The following DAB1 variants were observed in gnomAD, a reference collection of about 807,000 sequenced individuals.
The protein encoded by DAB1 is disabled homolog 1.
In DAB1, 15 loss-of-function variants were observed where a neutral mutation model predicts 64.6. That is an observed-to-expected ratio of 0.23 (90% CI 0.16 to 0.36). DAB1 has a LOEUF of 0.36. Ranked by LOEUF, DAB1 falls within the 10% of genes least tolerant of loss-of-function variation. The pLI is 1.00. For missense variants in DAB1, 596 were observed against 706.7 expected (o/e 0.84, Z 1.78); for synonymous variants, 235 against 251.9 (o/e 0.93, Z 0.64).
rs145610987 is a variant in DAB1, at chr1:57,417,163, G to A, written c.-137+6767C>T. ...GAAAGGTTACCAGGAGGTTTCAACTGTATTTAACTGGCTTTATTTCATTAG... is the reference window on the plus strand; with the variant it reads ...GAAAGGTTACCAGGAGGTTTCAACTATATTTAACTGGCTTTATTTCATTAG... On this transcript the variant is annotated intron_variant, in intron 1 of 14. Coordinates refer to ENST00000371236, the MANE Select transcript of DAB1 (RefSeq NM_001365792.1). Among the ~76,000 whole-genome samples the A allele has an allele frequency of 2.6e-5, 4 of 152,236 alleles. No homozygotes were observed. In the East Asian group the frequency reaches 7.7e-4, roughly 29 times the overall value.
intron 4 of DAB1, among the ~76,000 whole-genome samples, chr1:58,198,519 T>G (rs973085703): frequency 6.6e-6 from 1 of 152,234 alleles, no homozygotes; most frequent in Non-Finnish European, 1.5e-5. Flanking sequence ...AAAAGGTCAT[T>G]ACATATTGGC....
At chr1:57,121,606 T>C (rs1422681721) in intron 4 of DAB1, among the ~76,000 whole-genome samples, 2 of 152,144 alleles carry the variant, frequency 1.3e-5, no homozygotes, top group Admixed American at 1.3e-4. Flanking sequence ...TAGAACTGAA[T>C]GTGGTTTTCA....
intron 4 of DAB1, among the ~76,000 whole-genome samples, chr1:58,163,983 G>C (rs1655683613): frequency 6.6e-6 from 1 of 152,122 alleles, no homozygotes; most frequent in African/African-American, 2.4e-5. Context: ...AGTCTTACTA[G>C]CTTGAAGTAT....
intron 3 of DAB1, among the ~76,000 whole-genome samples, chr1:58,464,748 G>A (rs554560460): frequency 2.6e-5 from 4 of 152,206 alleles, no homozygotes; most frequent in Non-Finnish European, 5.9e-5. Flanking sequence ...GGCTTGCTCA[G>A]GCAGGCTTCT....
chr1:57,919,291 C>G (rs781507411), intron 5 of DAB1, among the ~76,000 whole-genome samples: 6 of 152,180 alleles, frequency 3.9e-5, no homozygotes, highest in Non-Finnish European at 8.8e-5. Flanking sequence ...GGCTTAGGCC[C>G]TGTATTAATA....
At chr1:57,303,856 A>G (rs1235862577) in intron 1 of DAB1, among the ~76,000 whole-genome samples, 1 of 152,096 alleles carries the variant, frequency 6.6e-6, no homozygotes, top group Admixed American at 6.5e-5. Context: ...TCACGAGGCC[A>G]GGCTCTACGG....
At chr1:57,143,232 C>A (rs992194832) in intron 3 of DAB1, among the ~76,000 whole-genome samples, 2 of 152,146 alleles carry the variant, frequency 1.3e-5, no homozygotes, top group Non-Finnish European at 2.9e-5. Flanking sequence ...AACACCCCTG[C>A]AAGCCAAGTG....
intron 3 of DAB1, among the ~76,000 whole-genome samples, chr1:58,396,121 A>AGGGGAGGGAGGGGAGGGG (rs1644519559): frequency 9.5e-6 from 1 of 105,036 alleles, no homozygotes; most frequent in Non-Finnish European, 1.9e-5. Flanking sequence ...AGAAGAGGGC[A>AGGGGAGGGAGGGGAGGGG]GGGGAGGGAG....
chr1:57,056,368 G>T (rs1019702473), intron 9 of DAB1, among the ~76,000 whole-genome samples: 1 of 150,480 alleles, frequency 6.6e-6, no homozygotes, highest in African/African-American at 2.4e-5. Context: ...TGCCAGGCAT[G>T]GTGGTGCACG....
At chr1:57,761,624 C>T (rs1291730448) in intron 6 of DAB1, among the ~76,000 whole-genome samples, 2 of 152,226 alleles carry the variant, frequency 1.3e-5, no homozygotes, top group East Asian at 3.9e-4. Context: ...CTCATTCCCC[C>T]TCCCCTCTAA....
chr1:57,546,554 C>T (rs1372613860), intron 7 of DAB1, among the ~76,000 whole-genome samples: 1 of 151,992 alleles, frequency 6.6e-6, no homozygotes, highest in African/African-American at 2.4e-5. Flanking sequence ...AATAGTATCC[C>T]CTTTACAGAA....
intron 9 of DAB1, among the ~76,000 whole-genome samples, chr1:57,043,130 A>C (rs1570577062): frequency 6.6e-6 from 1 of 152,296 alleles, no homozygotes; most frequent in Middle Eastern, 3.4e-3. Flanking sequence ...CAGTGGTTCT[A>C]GTGTGTCAGC....
At chr1:57,305,970 A>G (rs1309482993) in intron 1 of DAB1, among the ~76,000 whole-genome samples, 8 of 142,720 alleles carry the variant, frequency 5.6e-5, no homozygotes, top group African/African-American at 7.8e-5. Context: ...CTCCGTCTCA[A>G]AAAAAAAAAA....
intron 7 of DAB1, among the ~76,000 whole-genome samples, chr1:57,451,247 G>C (rs1686346071): frequency 6.6e-6 from 1 of 152,106 alleles, no homozygotes; most frequent in Non-Finnish European, 1.5e-5. Flanking sequence ...TTGCTGAGAG[G>C]TTAGCCTACT....
At chr1:58,336,389 G>T (rs990053514) in intron 4 of DAB1, among the ~76,000 whole-genome samples, 1 of 152,156 alleles carries the variant, frequency 6.6e-6, no homozygotes, top group Non-Finnish European at 1.5e-5. Context: ...TACCTAGATT[G>T]CTTGATCTGT....
At chr1:58,267,624 A>G (rs937357840) in intron 4 of DAB1, among the ~76,000 whole-genome samples, 4 of 152,154 alleles carry the variant, frequency 2.6e-5, no homozygotes, top group Admixed American at 1.3e-4. Context: ...TCCTTTGCTA[A>G]ATCTCCTGGG....
At chr1:57,353,310 G>A (rs894424198) in intron 1 of DAB1, among the ~76,000 whole-genome samples, 4 of 151,908 alleles carry the variant, frequency 2.6e-5, no homozygotes, top group Non-Finnish European at 5.9e-5. Context: ...CTGATTACAC[G>A]GTTGAGATAC....
At chr1:57,369,252 A>G (rs972471153) in intron 1 of DAB1, among the ~76,000 whole-genome samples, 3 of 152,180 alleles carry the variant, frequency 2.0e-5, no homozygotes, top group African/African-American at 7.2e-5. Context: ...AGTTTAATCA[A>G]TGAGAGTAAA....
chr1:57,179,300 A>G (rs1662661560), intron 2 of DAB1, among the ~76,000 whole-genome samples: 1 of 152,176 alleles, frequency 6.6e-6, no homozygotes, highest in Non-Finnish European at 1.5e-5. Context: ...TGAATGGTGG[A>G]TCAACGCCTA....
Sources: gnomAD v4.1 joint callset for allele counts (sites outside exome capture counted in the v4.1 genomes callset) on GRCh38, gnomAD v4.1.1 for gene constraint, MANE v1.5 for transcripts, NCBI Gene and HGNC (gene_info 2026-07-23, HGNC 2026-07-21) for gene names.